CFI: variants seen among roughly 807,000 people sequenced by gnomAD.
CFI encodes the protein C3B/C4B inactivator.
A neutral mutation model predicts 78.8 loss-of-function variants in CFI; 66 were observed. That is an observed-to-expected ratio of 0.84 (90% CI 0.69 to 1.03). The LOEUF (loss-of-function observed/expected upper bound fraction) is 1.03. Ranked by LOEUF, CFI falls within the 50% of genes least tolerant of loss-of-function variation. CFI has a pLI of 0.00. For synonymous variants in CFI, 250 were observed against 232.6 expected, an observed-to-expected ratio of 1.07 and a Z score of -0.68; for missense variants, 706 against 704.5, an observed-to-expected ratio of 1.00 and a Z score of -0.02.
intron 1 of CFI, among the ~76,000 whole-genome samples, chr4:109,768,026 G>T (rs1365583355): frequency 6.7e-6 from 1 of 149,522 alleles, no homozygotes; most frequent in South Asian, 2.1e-4. Context: ...GCAAACTATT[G>T]CAAGGACAAA....
intron 11 of CFI, among the ~76,000 whole-genome samples, chr4:109,743,659 G>A (rs1156395691): frequency 6.6e-6 from 1 of 152,112 alleles, no homozygotes; most frequent in Non-Finnish European, 1.5e-5. Context: ...CATTGATTAA[G>A]GACATATCTA....
chr4:109,778,046 G>C (rs1448965336), intron 1 of CFI, among the ~76,000 whole-genome samples: 3 of 152,230 alleles, frequency 2.0e-5, no homozygotes, highest in South Asian at 2.1e-4. Flanking sequence ...ATCTAAAATT[G>C]ACACCCTAAA....
intron 4 of CFI, among the ~76,000 whole-genome samples, chr4:109,761,015 T>C (rs1726986990): frequency 6.6e-6 from 1 of 152,166 alleles, no homozygotes; most frequent in Non-Finnish European, 1.5e-5. Context: ...TACATTTTGG[T>C]GGTACTTTTT....
intron 11 of CFI, among the ~76,000 whole-genome samples, chr4:109,743,602 CAATAAATGTGTTAAACCATTATT>C (rs1308789827): frequency 6.6e-6 from 1 of 152,144 alleles, no homozygotes; most frequent in African/African-American, 2.4e-5. Flanking sequence ...AGTAAATCCT[CAATAAATGTGTTAAACCATTATT>C]AATAAATGTG....
At chr4:109,741,320 A>T (rs564852359) in intron 12 of CFI, 1 of 985,372 alleles carries the variant, frequency 1.0e-6, no homozygotes, top group African/African-American at 1.7e-5. Flanking sequence ...TATTCCCCCA[A>T]TTCAGCATGT....
At chr4:109,792,646 C>A (rs886407465) in intron 1 of CFI, among the ~76,000 whole-genome samples, 2 of 151,970 alleles carry the variant, frequency 1.3e-5, no homozygotes, top group Non-Finnish European at 2.9e-5. Flanking sequence ...TCATTCATAT[C>A]TTTTGGGGCT....
intron 8 of CFI, among the ~76,000 whole-genome samples, chr4:109,751,988 T>G (rs1725198899): frequency 6.6e-6 from 1 of 152,230 alleles, no homozygotes; most frequent in Non-Finnish European, 1.5e-5. Flanking sequence ...TCCCAGGAAC[T>G]TAATACTTTA....
At chr4:109,782,847 CAG>C (rs1213598425) in intron 1 of CFI, among the ~76,000 whole-genome samples, 1 of 152,008 alleles carries the variant, frequency 6.6e-6, no homozygotes, top group South Asian at 2.1e-4. Flanking sequence ...ACCAATGAAA[CAG>C]AATAAGAACC....
intron 7 of CFI, among the ~76,000 whole-genome samples, chr4:109,752,933 TATAAATAAATATTTATAATAC>T (rs1725329777): frequency 9.4e-5 from 10 of 106,162 alleles, no homozygotes; most frequent in South Asian, 2.5e-4. Flanking sequence ...ATATTTATTA[TATAAATAAATATTTATAATAC>T]ATATTTATTA....
chr4:109,789,160 A>T (rs72674894), intron 1 of CFI, among the ~76,000 whole-genome samples: 1 of 151,776 alleles, frequency 6.6e-6, no homozygotes, highest in African/African-American at 2.4e-5. Flanking sequence ...ATAAAATTTT[A>T]AAAAATAAAA....
Position 109,795,659 on chromosome 4 carries a change from T to C in CFI, c.57+6256A>G, listed in dbSNP as rs542708158. Among the ~76,000 whole-genome samples the C allele has an allele frequency of 2.6e-5, 4 of 152,026 alleles. No individual in the cohort carries two copies. The East Asian group carries it at 7.7e-4, about 29-fold the overall frequency. On this transcript the variant is annotated intron_variant, in intron 1 of 12. Transcript: ENST00000394634. ...AGCAAAATGAGATATTCAACAAACATAAACCATAAAAAAGAACCAAAGAGA... is the reference window on the plus strand; with the variant it reads ...AGCAAAATGAGATATTCAACAAACACAAACCATAAAAAAGAACCAAAGAGA...
At chr4:109,741,140 C>G (rs1579150207) in intron 12 of CFI, 30 bp from the exon 13 acceptor site, 1 of 1,613,648 alleles carries the variant, frequency 6.2e-7, no homozygotes, top group South Asian at 1.1e-5. Flanking sequence ...GAGAAAATCA[C>G]ACATTTCCTT....
the CFI span, among the ~76,000 whole-genome samples, chr4:109,731,216 G>T: frequency 1.3e-5 from 2 of 152,098 alleles, no homozygotes; most frequent in Non-Finnish European, 2.9e-5. Flanking sequence ...CGTGGTGGCG[G>T]GCACCTGTAA....
intron 1 of CFI, among the ~76,000 whole-genome samples, chr4:109,787,088 C>G (rs1730841407): frequency 6.6e-6 from 1 of 152,058 alleles, no homozygotes; most frequent in South Asian, 2.1e-4. Flanking sequence ...GCTGACTCCC[C>G]ACTGACCTAC....
chr4:109,766,260 T>G (rs1727737007), intron 2 of CFI, among the ~76,000 whole-genome samples: 1 of 152,088 alleles, frequency 6.6e-6, no homozygotes, highest in Non-Finnish European at 1.5e-5. Flanking sequence ...GAATAATCCC[T>G]TTAACCAAGT....
chr4:109,749,971 C>T (rs1724944200), intron 8 of CFI, among the ~76,000 whole-genome samples: 1 of 151,986 alleles, frequency 6.6e-6, no homozygotes, highest in Admixed American at 6.6e-5. Flanking sequence ...AAACTAACAA[C>T]ATGGCAAACT....
chr4:109,761,180 T>C (rs1411079025), intron 4 of CFI, among the ~76,000 whole-genome samples: 3 of 152,238 alleles, frequency 2.0e-5, no homozygotes, highest in Non-Finnish European at 2.9e-5. Context: ...TAAATTCATA[T>C]ATGCTGGCCC....
At chr4:109,734,357 A>G in the CFI span, among the ~76,000 whole-genome samples, 2 of 151,854 alleles carry the variant, frequency 1.3e-5, no homozygotes, top group African/African-American at 4.9e-5. Flanking sequence ...AAAGAAAGAC[A>G]GAACCACCCA....
chr4:109,784,636 C>A (rs1482924714), intron 1 of CFI, among the ~76,000 whole-genome samples: 3 of 151,994 alleles, frequency 2.0e-5, no homozygotes, highest in Admixed American at 2.0e-4. Flanking sequence ...TGTTCATTAG[C>A]CACATTATGA....
Sources: gnomAD v4.1 joint callset for allele counts (sites outside exome capture counted in the v4.1 genomes callset) on GRCh38, gnomAD v4.1.1 for gene constraint, MANE v1.5 for transcripts, NCBI Gene and HGNC (gene_info 2026-07-23, HGNC 2026-07-21) for gene names.